Variants in UVSSA observed in about 807,000 individuals in gnomAD.
UVSSA encodes the protein UV-stimulated scaffold protein A.
A neutral mutation model predicts 73.9 loss-of-function variants in UVSSA; 72 were observed. That is an observed-to-expected ratio of 0.97 (90% CI 0.81 to 1.19). The LOEUF (loss-of-function observed/expected upper bound fraction) is 1.19. Among genes scored for constraint, UVSSA ranks in the 50% most tolerant of loss-of-function variants. The pLI, the probability that UVSSA is intolerant of heterozygous loss-of-function variation, is 0.00. For synonymous variants in UVSSA, 454 were observed against 391.3 expected (o/e 1.16, Z -1.89); for missense variants, 1,150 against 965.0 (o/e 1.19, Z -2.54).
chr4:1,374,027 C>T (rs1239889360), intron 8 of UVSSA, among the ~76,000 whole-genome samples: 2 of 152,248 alleles, frequency 1.3e-5, no homozygotes, highest in African/African-American at 4.8e-5. Context: ...CGTTTTCTTC[C>T]TGTGGATTCT....
At chr4:1,345,242 G>A (rs945230996), upstream of UVSSA, among the ~76,000 whole-genome samples, 1 of 152,182 alleles carries the variant, frequency 6.6e-6, no homozygotes, top group East Asian at 1.9e-4. Flanking sequence ...GTGTTCTGAA[G>A]GTAGGGCTGT....
chr4:1,383,853 G>A lies in UVSSA; in HGVS notation c.1949G>A (p.Gly650Glu). 1 of 1,613,668 alleles carries A rather than the reference G, an allele frequency of 6.2e-7. No individual in the cohort carries two copies. Among genetic ancestry groups the A allele is most frequent in the Non-Finnish European group, 8.5e-7 (1 of 1,180,010 alleles). The change falls in exon 13 of 14, where the codon GGG (glycine) becomes GAG (glutamate). Residue 650 changes from glycine to glutamate, a missense_variant. Gly to Glu is a moderately conservative substitution (Grantham distance 98). Transcript: ENST00000389851. ...TCCAGGTACAGCGGGAAAGGCAGGG[G>A]GAAGAAGAGGAGGTACCCCAGCCTC... Reference protein sequence around the residue: ...GSSRYSGKGRGKKRRYPSLTN... With the variant: ...GSSRYSGKGREKKRRYPSLTN...
In UVSSA at chr4:1,375,526, G is replaced by C. The variant is rs768427410; in HGVS notation, c.1433+18G>C. ...TCTGCCAGGTGACTCCCAGTGTCCT[G>C]TGTGCTGAGCCCCCTGCCCGGCGCT... On this transcript the variant is annotated intron_variant, in intron 9 of 13. Transcript: ENST00000389851. The C allele has an allele frequency of 2.4e-5, 38 of 1,605,178 alleles. 1 individual carries two copies. In the South Asian group the frequency reaches 3.7e-4, roughly 16 times the overall value.
chr4:1,392,586 C>T (rs1390075926), downstream of UVSSA: 1 of 152,180 alleles, frequency 6.6e-6, no homozygotes, highest in East Asian at 1.9e-4. Flanking sequence ...TTTCAGTCCT[C>T]TATAGATGTC....
intron 2 of UVSSA, 30 bp downstream of exon 2, chr4:1,348,219 G>C: frequency 6.4e-7 from 1 of 1,561,312 alleles, no homozygotes; most frequent in Non-Finnish European, 8.8e-7. Flanking sequence ...AACAGTAACT[G>C]ACTGGCCCAC....
Position 1,395,238 on chromosome 4 carries a change from C to T in UVSSA, c.*9277C>T, listed in dbSNP as rs1376500185. The T allele has an allele frequency of 5.4e-6, 8 of 1,482,782 alleles. 1 individual carries two copies. Among genetic ancestry groups the T allele is most frequent in the Non-Finnish European group, 7.2e-6 (8 of 1,106,666 alleles). The allele number at this position is 1,482,782 out of a possible 1,614,324, so 91.9% of individuals were successfully genotyped here. A position where few individuals can be genotyped will look rare whatever the true frequency, so the allele number is the denominator to read the frequency against. ...CCGATGCGGAGTGCCCGCCTGCTCA[C>T]ACGTGCCCATGTGGAGTGCCCGCCT... On this transcript the variant is annotated 3_prime_UTR_variant, in exon 14 of 14. Coordinates refer to the UVSSA transcript ENST00000511216.
intron 12 of UVSSA, 103 bp from the exon 13 acceptor site, chr4:1,383,663 G>A (rs1432391408): frequency 2.1e-6 from 3 of 1,458,428 alleles, no homozygotes; most frequent in Non-Finnish European, 2.8e-6. Flanking sequence ...AGGCGACCCA[G>A]CCCCCCTGTC....
chr4:1,369,874 G>A lies in UVSSA; in HGVS notation c.1288+3443G>A, dbSNP rs142644897. Among the ~76,000 whole-genome samples, 994 of 152,388 alleles carry A rather than the reference G, an allele frequency of 6.5e-3. 13 individuals are homozygous for A. The highest frequency in any genetic ancestry group is 0.023 in the African/African-American group (947 of 41,594). On this transcript the variant is annotated intron_variant, in intron 8 of 13. Transcript: ENST00000389851. ...GAATTTGAGCCAAGATACTGGACTC[G>A]AGTGAGACGCCGTGCGGGCAAGGCG...
In UVSSA at chr4:1,347,722, C is replaced by T. The variant is rs564716043; in HGVS notation, c.-41C>T. ...CTCAGAATTTCTTGGCTCCTCTTGG[C>T]CTCTGCAGCCTTGCTGGAGGCTGCC... is the stretch of plus-strand genomic sequence containing the variant. On this transcript the variant is annotated 5_prime_UTR_variant, in exon 1 of 14. Coordinates refer to ENST00000389851, the MANE Select transcript of UVSSA (RefSeq NM_020894.4). 2.1e-5 allele frequency: 4 copies of T among 194,582 alleles called. No homozygotes were observed. The highest frequency in any genetic ancestry group is 1.5e-4 in the East Asian group (1 of 6,808). 12.1% of individuals were successfully genotyped at this position (194,582 alleles called of 1,614,324 possible).
chr4:1,386,006 C>T lies in UVSSA; in HGVS notation c.*45C>T. ...TGGCCATCAGCACTTTCTCCCTCTGCCAGTGTCTCAGGACAGCAGAGTGGG... is the reference window on the plus strand; with the variant it reads ...TGGCCATCAGCACTTTCTCCCTCTGTCAGTGTCTCAGGACAGCAGAGTGGG... On this transcript the variant is annotated 3_prime_UTR_variant, in exon 14 of 14. Coordinates refer to ENST00000389851, the MANE Select transcript of UVSSA (RefSeq NM_020894.4). The T allele has an allele frequency of 1.3e-6, 2 of 1,598,352 alleles. No homozygotes were observed. Among genetic ancestry groups the T allele is most frequent in the Non-Finnish European group, 1.7e-6 (2 of 1,166,096 alleles).
exon 14 of UVSSA, chr4:1,395,969 G>A: frequency 6.8e-7 from 1 of 1,477,080 alleles, no homozygotes; most frequent in Non-Finnish European, 9.1e-7. Context: ...CATGGATGCT[G>A]ATTAAAAGAC....
intron 13 of UVSSA, chr4:1,385,414 G>A (rs1018476570): frequency 5.4e-5 from 11 of 204,486 alleles, no homozygotes; most frequent in East Asian, 3.8e-4. Context: ...TGCCTGGCCC[G>A]TGCCCCCCCT....
chr4:1,383,701 G>A (rs1719763282), intron 12 of UVSSA, 65 bp from the exon 13 acceptor site: 2 of 1,596,230 alleles, frequency 1.3e-6, no homozygotes, highest in Non-Finnish European at 1.7e-6. Flanking sequence ...CCCTCCTGGG[G>A]GCCTCGGGTA....
chr4:1,352,763 G>A (rs1714985980), intron 4 of UVSSA, among the ~76,000 whole-genome samples: 1 of 152,262 alleles, frequency 6.6e-6, no homozygotes, highest in Non-Finnish European at 1.5e-5. Flanking sequence ...GCCAGCCTGG[G>A]CAACATAGCA....
Position 1,353,328 on chromosome 4 carries a change from G to A in UVSSA, c.849G>A (p.Glu283=). 9 of 1,611,784 alleles carry A rather than the reference G, an allele frequency of 5.6e-6. No individual in the cohort carries two copies. The highest frequency in any genetic ancestry group is 7.6e-6 in the Non-Finnish European group (9 of 1,179,742). Residue 283 remains glutamate (E), a synonymous_variant, in exon 5 of 14, where the codon GAG becomes GAA. Transcript: ENST00000389851. ...CAGCCACAGGTGACCCCTCAGATGA[G>A]GACGAGGACAGCGACCTCGAGGAGT... ...SQTATGDPSD[E]DEDSDLEEFV...
intron 10 of UVSSA, among the ~76,000 whole-genome samples, chr4:1,376,863 G>T (rs1350837547): frequency 6.6e-6 from 1 of 152,218 alleles, no homozygotes; most frequent in Non-Finnish European, 1.5e-5. Context: ...GGGGAGGACA[G>T]TGCCAAGGCT....
Position 1,348,201 on chromosome 4 carries a change from G to T in UVSSA, c.98+12G>T, listed in dbSNP as rs755705444. On this transcript the variant is annotated intron_variant, in intron 2 of 13. Coordinates refer to ENST00000389851, the MANE Select transcript of UVSSA (RefSeq NM_020894.4). ...AAGAAAATTTGCAAGTATGTCTTAGGGTTCAGTAACAGTAACTGACTGGCC... is the reference window on the plus strand; with the variant it reads ...AAGAAAATTTGCAAGTATGTCTTAGTGTTCAGTAACAGTAACTGACTGGCC... The T allele has an allele frequency of 2.5e-6, 4 of 1,602,666 alleles. No homozygotes were observed. The highest frequency in any genetic ancestry group is 4.5e-5 in the East Asian group (2 of 44,846).
chr4:1,359,612 G>T (rs1466106139), intron 7 of UVSSA, among the ~76,000 whole-genome samples: 1 of 152,186 alleles, frequency 6.6e-6, no homozygotes, highest in Non-Finnish European at 1.5e-5. Flanking sequence ...GTGGCTGAAA[G>T]ATACGGGTTT....
At chr4:1,393,987 GA>G in exon 14 of UVSSA, 1 of 207,006 alleles carries the variant, frequency 4.8e-6, no homozygotes, top group South Asian at 8.4e-5. Context: ...ACACGCAGTT[GA>G]TGCATGGTGA....
Sources: gnomAD v4.1 joint callset for allele counts (sites outside exome capture counted in the v4.1 genomes callset) on GRCh38, gnomAD v4.1.1 for gene constraint, MANE v1.5 for transcripts, NCBI Gene and HGNC (gene_info 2026-07-23, HGNC 2026-07-21) for gene names.